The following PHF14 variants were observed in gnomAD, a reference collection of about 807,000 sequenced individuals.
PHF14 encodes PHD finger protein 14.
In PHF14, 55 loss-of-function variants were observed where a neutral mutation model predicts 117.9. The observed-to-expected ratio is 0.47, with a 90% CI of 0.38 to 0.58. PHF14 has a LOEUF of 0.58. Ranked by LOEUF, PHF14 falls within the 20% of genes least tolerant of loss-of-function variation. The probability of loss-of-function intolerance (pLI) is 0.00; values close to 1 mark genes in which losing one functional copy is unlikely to be tolerated. For missense variants in PHF14, 978 were observed against 1,122.2 expected, an observed-to-expected ratio of 0.87 and a Z score of 1.84; for synonymous variants, 409 against 368.6, an observed-to-expected ratio of 1.11 and a Z score of -1.26.
intron 3 of PHF14, among the ~76,000 whole-genome samples, chr7:10,990,291 G>A (rs370387020): frequency 5.3e-5 from 8 of 152,268 alleles, no homozygotes; most frequent in East Asian, 1.9e-4. Flanking sequence ...CTCCTAAAGT[G>A]TAAGAATCAT....
intron 17 of PHF14, among the ~76,000 whole-genome samples, chr7:11,122,331 T>TATATATATATATATATATA (rs1787779306): frequency 3.6e-5 from 3 of 84,062 alleles, no homozygotes; most frequent in Admixed American, 1.3e-4. Flanking sequence ...TTTGTACTTT[T>TATATATATATATATATATA]TATATATATA....
At chr7:11,011,984 TAAC>T (rs1319092376) in intron 4 of PHF14, among the ~76,000 whole-genome samples, 2 of 152,318 alleles carry the variant, frequency 1.3e-5, no homozygotes, top group African/African-American at 2.4e-5. Flanking sequence ...GTGGTAGTAA[TAAC>T]AAACTTTTAG....
intron 4 of PHF14, chr7:11,006,306 G>T: frequency 1.7e-5 from 7 of 405,992 alleles, no homozygotes; most frequent in South Asian, 1.4e-4. Context: ...TTTGTTTTCT[G>T]TTACTTGCCT....
At chr7:11,098,168 A>G (rs1180797835) in intron 16 of PHF14, among the ~76,000 whole-genome samples, 3 of 152,210 alleles carry the variant, frequency 2.0e-5, no homozygotes, top group Non-Finnish European at 2.9e-5. Context: ...ATTTACTTCT[A>G]TTCAGACATT....
chr7:10,995,484 G>T (rs1228496236), intron 4 of PHF14, among the ~76,000 whole-genome samples: 1 of 152,246 alleles, frequency 6.6e-6, no homozygotes, highest in Non-Finnish European at 1.5e-5. Flanking sequence ...AGCCTAGCTG[G>T]CTTCACCCAG....
At chr7:11,114,040 A>G (rs1255229383) in intron 17 of PHF14, among the ~76,000 whole-genome samples, 3 of 152,162 alleles carry the variant, frequency 2.0e-5, no homozygotes, top group African/African-American at 4.8e-5. Context: ...CCATGTTCAT[A>G]TATTTTAATG....
chr7:11,068,388 A>T (rs1467871940), intron 16 of PHF14, among the ~76,000 whole-genome samples: 2 of 151,884 alleles, frequency 1.3e-5, no homozygotes, highest in African/African-American at 4.8e-5. Context: ...ATACTGCAAC[A>T]TAGATGAACC....
intron 17 of PHF14, among the ~76,000 whole-genome samples, chr7:11,119,092 A>T (rs898726758): frequency 6.6e-6 from 1 of 151,884 alleles, no homozygotes; most frequent in African/African-American, 2.4e-5. Context: ...GTGCATTTAC[A>T]TAGCATGCTG....
chr7:11,157,024 TGTC>T (rs1788880708), intron 17 of PHF14, among the ~76,000 whole-genome samples: 1 of 152,192 alleles, frequency 6.6e-6, no homozygotes, highest in Non-Finnish European at 1.5e-5. Context: ...CCTTATATGT[TGTC>T]ATGGTTCAGT....
At chr7:11,115,486 T>C (rs1354494397) in intron 17 of PHF14, among the ~76,000 whole-genome samples, 1 of 152,062 alleles carries the variant, frequency 6.6e-6, no homozygotes, top group Non-Finnish European at 1.5e-5. Context: ...TTGAGGTGCA[T>C]ACTTAAGATG....
At chr7:11,124,945 T>G (rs978246795) in intron 17 of PHF14, among the ~76,000 whole-genome samples, 1 of 152,148 alleles carries the variant, frequency 6.6e-6, no homozygotes, top group Non-Finnish European at 1.5e-5. Flanking sequence ...AACACAAAGA[T>G]ATTTTAAAAC....
chr7:11,135,890 C>G (rs372707085), intron 17 of PHF14, among the ~76,000 whole-genome samples: 5 of 152,046 alleles, frequency 3.3e-5, no homozygotes, highest in African/African-American at 1.2e-4. Flanking sequence ...TAATTTATAG[C>G]TTACATAATT....
rs373331105 is a variant in PHF14 at position 10,990,770 on chromosome 7, G to C, written c.968G>C (p.Cys323Ser). The change falls in exon 4 of 18, where the codon TGT becomes TCT. Residue 323 changes from cysteine (C) to serine (S), a missense_variant. Physicochemically the swap from Cys to Ser is moderately radical, Grantham distance 112 (BLOSUM62 -1). Coordinates refer to ENST00000634607, the MANE Select transcript of PHF14 (RefSeq NM_001007157.2). Reference sequence around the variant, plus strand: ...AAAATGGACCATATTCTGATTTGCTGTGTTTGTCTGGGAGATAATAGTGAG... The same window carrying C: ...AAAATGGACCATATTCTGATTTGCTCTGTTTGTCTGGGAGATAATAGTGAG... The part of the protein sequence containing the change: ...SQKMDHILIC[C>S]VCLGDNSEDA... The C allele has an allele frequency of 8.9e-6, 14 of 1,581,378 alleles. No individual in the cohort carries two copies. Among genetic ancestry groups the C allele is most frequent in the Non-Finnish European group, 1.2e-5 (14 of 1,160,786 alleles).
Position 11,111,376 on chromosome 7 carries a change from A to G in PHF14, c.2681A>G (p.His894Arg), listed in dbSNP as rs1228399378. 1.2e-6 allele frequency: 2 copies of G among 1,604,500 alleles called. No individual in the cohort carries two copies. Among genetic ancestry groups the G allele is most frequent in the Admixed American group, 1.7e-5 (1 of 59,494 alleles). Residue 894 changes from histidine to arginine, a missense_variant, in exon 17 of 18, where the codon CAT becomes CGT. Coordinates refer to ENST00000634607, the MANE Select transcript of PHF14 (RefSeq NM_001007157.2). Reference protein sequence around the residue: ...VRCDECRLCYHFGCLDPPLKK... With the variant: ...VRCDECRLCYRFGCLDPPLKK... ...TGTGATGAATGCAGACTCTGCTACC[A>G]TTTTGGCTGTTTGGATCCTCCTTTG... is the stretch of plus-strand genomic sequence containing the variant.
intron 4 of PHF14, among the ~76,000 whole-genome samples, chr7:11,000,902 ACGC>A (rs1048141416): frequency 1.3e-5 from 2 of 151,980 alleles, no homozygotes; most frequent in African/African-American, 2.4e-5. Flanking sequence ...CTTGTTTATT[ACGC>A]TTTTGGTCTT....
At chr7:11,068,064 T>C (rs988148190) in intron 16 of PHF14, among the ~76,000 whole-genome samples, 1 of 151,954 alleles carries the variant, frequency 6.6e-6, no homozygotes, top group Non-Finnish European at 1.5e-5. Flanking sequence ...AGGAATGAAA[T>C]TCTGGGCCGG....
At chr7:11,155,838 G>A (rs569214485) in intron 17 of PHF14, among the ~76,000 whole-genome samples, 2 of 152,050 alleles carry the variant, frequency 1.3e-5, no homozygotes, top group African/African-American at 4.8e-5. Context: ...AATCAGGAAG[G>A]AATGAATAGA....
rs116287464 is a variant in PHF14, at chr7:11,076,961, C to G, written c.2654+14876C>G. Among the ~76,000 whole-genome samples, 1,001 of 149,588 alleles carry G rather than the reference C, an allele frequency of 6.7e-3. 6 individuals are homozygous for G. Among genetic ancestry groups the G allele is most frequent in the African/African-American group, 0.024 (956 of 40,516 alleles). ...ATCTCAATGGTATATTAATATAATA[C>G]TAATATATATGTTGTACTTATGTTG... On this transcript the variant is annotated intron_variant, in intron 16 of 17. Coordinates refer to ENST00000634607, the MANE Select transcript of PHF14 (RefSeq NM_001007157.2).
rs572836178 is a variant in PHF14, at chr7:11,109,218, G to A, written c.2655-2132G>A. ...GAATTTATGCTTAAGCAAACACACC[G>A]AAAATATCAGGAAGCAGTGGCTGAT... On this transcript the variant is annotated intron_variant, in intron 16 of 17. Coordinates refer to ENST00000634607, the MANE Select transcript of PHF14 (RefSeq NM_001007157.2). 2.6e-5 allele frequency: 4 copies of A among 151,726 alleles called. 1 individual carries two copies. Among genetic ancestry groups the A allele is most frequent in the African/African-American group, 9.6e-5 (4 of 41,458 alleles). 9.4% of individuals were successfully genotyped at this position (151,726 alleles called of 1,614,324 possible). A position where few individuals can be genotyped will look rare whatever the true frequency, so the allele number is the denominator to read the frequency against.
Sources: gnomAD v4.1 joint callset for allele counts (sites outside exome capture counted in the v4.1 genomes callset) on GRCh38, gnomAD v4.1.1 for gene constraint, MANE v1.5 for transcripts, NCBI Gene and HGNC (gene_info 2026-07-23, HGNC 2026-07-21) for gene names.